Variants in METTL15 observed in about 807,000 individuals in gnomAD.
METTL15 encodes methyltransferase 15, mitochondrial 12S rRNA N4-cytidine, also known as 12S rRNA N(4)-cytidine methyltransferase METTL15.
METTL15 carries 34 observed loss-of-function variants against 38.3 expected under a neutral mutation model. The ratio of observed to expected loss-of-function variants is 0.89; its 90% CI spans 0.68 to 1.18. The LOEUF (loss-of-function observed/expected upper bound fraction) is 1.18, where lower values mean the gene tolerates loss of function less well. METTL15 is among the 50% of genes most tolerant of loss of function. The pLI is 0.00. For missense variants in METTL15, 438 were observed against 498.4 expected, an observed-to-expected ratio of 0.88 and a Z score of 1.15; for synonymous variants, 162 against 170.9, an observed-to-expected ratio of 0.95 and a Z score of 0.41.
At chr11:28,526,166 C>T (rs1851809735) in intron 6 of METTL15, among the ~76,000 whole-genome samples, 1 of 152,198 alleles carries the variant, frequency 6.6e-6, no homozygotes, top group African/African-American at 2.4e-5. Flanking sequence ...TGCGCCTCTC[C>T]CGCCACACCT....
intron 3 of METTL15, among the ~76,000 whole-genome samples, chr11:28,173,098 A>G (rs1850918419): frequency 6.6e-6 from 1 of 152,156 alleles, no homozygotes; most frequent in East Asian, 1.9e-4. Context: ...AAAAAAAGAG[A>G]CAAAATTTTT....
At chr11:28,268,382 T>C (rs1287162003) in intron 4 of METTL15, among the ~76,000 whole-genome samples, 1 of 152,064 alleles carries the variant, frequency 6.6e-6, no homozygotes, top group Non-Finnish European at 1.5e-5. Context: ...AGTTTTTTCC[T>C]GCTTCACCTA....
intron 6 of METTL15, among the ~76,000 whole-genome samples, chr11:28,482,803 T>C (rs1851406273): frequency 6.6e-6 from 1 of 152,162 alleles, no homozygotes; most frequent in Admixed American, 6.5e-5. Flanking sequence ...GAATCTGCTG[T>C]AGGAAGTTCT....
intron 6 of METTL15, among the ~76,000 whole-genome samples, chr11:28,465,539 T>G (rs1285608696): frequency 1.3e-5 from 2 of 152,158 alleles, no homozygotes; most frequent in Non-Finnish European, 2.9e-5. Flanking sequence ...TCAAAATCTC[T>G]AAGGCTAAAA....
intron 4 of METTL15, among the ~76,000 whole-genome samples, chr11:28,277,526 C>G (rs150401108): frequency 1.3e-5 from 2 of 152,014 alleles, no homozygotes; most frequent in South Asian, 4.2e-4. Flanking sequence ...TGTGAAACCC[C>G]GTCTCTACTA....
chr11:28,521,679 T>A (rs1473651091), intron 6 of METTL15, among the ~76,000 whole-genome samples: 1 of 152,120 alleles, frequency 6.6e-6, no homozygotes, highest in Admixed American at 6.5e-5. Context: ...CTTAAGGCAT[T>A]GCTAGAAGAC....
At chr11:28,488,111 T>C (rs1380217144) in intron 6 of METTL15, among the ~76,000 whole-genome samples, 1 of 152,132 alleles carries the variant, frequency 6.6e-6, no homozygotes, top group South Asian at 2.1e-4. Flanking sequence ...AACTCAGCAA[T>C]GAAAATATGC....
At chr11:28,509,127 TG>T (rs1170892147) in intron 6 of METTL15, among the ~76,000 whole-genome samples, 1 of 152,230 alleles carries the variant, frequency 6.6e-6, no homozygotes, top group Admixed American at 6.5e-5. Context: ...TTCTTGATGT[TG>T]AAAGCATCAT....
At chr11:28,239,668 GTTCT>G (rs1854202326) in intron 4 of METTL15, among the ~76,000 whole-genome samples, 1 of 152,074 alleles carries the variant, frequency 6.6e-6, no homozygotes, top group Admixed American at 6.5e-5. Flanking sequence ...CTACCTTGCT[GTTCT>G]TTAAGTACAC....
chr11:28,392,742 C>A (rs888216693), intron 5 of METTL15, among the ~76,000 whole-genome samples: 1 of 151,912 alleles, frequency 6.6e-6, no homozygotes, highest in African/African-American at 2.4e-5. Flanking sequence ...AAAATATTTG[C>A]AAACCACATT....
intron 4 of METTL15, among the ~76,000 whole-genome samples, chr11:28,217,640 A>G (rs1590173849): frequency 6.6e-6 from 1 of 152,164 alleles, no homozygotes; most frequent in Non-Finnish European, 1.5e-5. Flanking sequence ...ACCCATGCCT[A>G]TGTCCTGAAT....
At chr11:28,488,475 G>A (rs1368934619) in intron 6 of METTL15, among the ~76,000 whole-genome samples, 1 of 152,054 alleles carries the variant, frequency 6.6e-6, no homozygotes, top group East Asian at 1.9e-4. Flanking sequence ...ATGAATATCA[G>A]CTTAGTGCTC....
chr11:28,376,246 T>A (rs1850310240), intron 5 of METTL15, among the ~76,000 whole-genome samples: 1 of 152,152 alleles, frequency 6.6e-6, no homozygotes, highest in Non-Finnish European at 1.5e-5. Context: ...CTCGTTGGTC[T>A]GTCTAATGTT....
intron 4 of METTL15, among the ~76,000 whole-genome samples, chr11:28,217,189 G>A (rs1852926700): frequency 6.6e-6 from 1 of 152,092 alleles, no homozygotes. Flanking sequence ...CAGTGTAAAA[G>A]TGTTCCTATT....
chr11:28,516,593 A>G (rs1851721343), intron 6 of METTL15, among the ~76,000 whole-genome samples: 1 of 152,016 alleles, frequency 6.6e-6, no homozygotes, highest in Middle Eastern at 3.2e-3. Flanking sequence ...GGCAGTGGGG[A>G]TACTGAGAAA....
At chr11:28,141,295 A>T (rs552609638) in intron 3 of METTL15, among the ~76,000 whole-genome samples, 1 of 152,250 alleles carries the variant, frequency 6.6e-6, no homozygotes, top group African/African-American at 2.4e-5. Context: ...CAGTTCCTTG[A>T]TATGAATCAC....
intron 3 of METTL15, among the ~76,000 whole-genome samples, chr11:28,196,979 A>T (rs1411542217): frequency 1.3e-5 from 2 of 152,018 alleles, no homozygotes; most frequent in African/African-American, 4.8e-5. Flanking sequence ...AAAGTCTTTT[A>T]AAGTATTAGT....
In METTL15 at chr11:28,332,347, A is replaced by G. The variant is rs1849838726; in HGVS notation, c.*1506A>G. ...CTTTGCATATAATACATATTTGTGA[A>G]TGAGACATATTCCCAAAAAATTCTT... On this transcript the variant is annotated 3_prime_UTR_variant, in exon 7 of 7. Coordinates refer to ENST00000407364, the MANE Select transcript of METTL15 (RefSeq NM_001113528.2). 1.3e-5 allele frequency: 2 copies of G among 152,186 alleles called. No homozygotes were observed. The highest frequency in any genetic ancestry group is 1.5e-5 in the Non-Finnish European group (1 of 68,032). 9.4% of individuals were successfully genotyped at this position (152,186 alleles called of 1,614,324 possible).
chr11:28,179,473 C>T (rs1851204211), intron 3 of METTL15, among the ~76,000 whole-genome samples: 1 of 151,778 alleles, frequency 6.6e-6, no homozygotes, highest in African/African-American at 2.4e-5. Flanking sequence ...AACTACTTTT[C>T]TTACTCTGTC....
Sources: gnomAD v4.1 joint callset for allele counts (sites outside exome capture counted in the v4.1 genomes callset) on GRCh38, gnomAD v4.1.1 for gene constraint, MANE v1.5 for transcripts, NCBI Gene and HGNC (gene_info 2026-07-23, HGNC 2026-07-21) for gene names.